METTL8: variants seen among roughly 807,000 people sequenced by gnomAD.
METTL8 encodes the protein tRNA N(3)-cytidine methyltransferase METTL8, mitochondrial.
METTL8 carries 32 observed loss-of-function variants against 48.7 expected under a neutral mutation model. That is an observed-to-expected ratio of 0.66 (90% CI 0.50 to 0.88). The LOEUF (loss-of-function observed/expected upper bound fraction) is 0.88, where lower values mean the gene tolerates loss of function less well. METTL8 is among the 40% of genes least tolerant of loss of function. METTL8 has a pLI of 0.00. For synonymous variants in METTL8, 136 were observed against 157.1 expected (o/e 0.87, Z 1.01); for missense variants, 464 against 474.4 (o/e 0.98, Z 0.20).
At chr2:171,355,203 T>A (rs1342443342) in intron 3 of METTL8, among the ~76,000 whole-genome samples, 13 of 152,252 alleles carry the variant, frequency 8.5e-5, no homozygotes. Context: ...GACCCTCAGC[T>A]GCAGGTCTGT....
chr2:171,368,983 C>A (rs931086643), intron 2 of METTL8, among the ~76,000 whole-genome samples: 18 of 151,960 alleles, frequency 1.2e-4, no homozygotes, highest in African/African-American at 3.4e-4. Flanking sequence ...TCAAAAAAAA[C>A]CCCACAATTA....
chr2:171,337,524 A>T (rs560026742), intron 4 of METTL8, 22 bp from the exon 5 acceptor site: 3 of 1,585,760 alleles, frequency 1.9e-6, no homozygotes, highest in Middle Eastern at 1.7e-4. Flanking sequence ...AGAACAAGCA[A>T]ATATCAAAAA....
intron 2 of METTL8, chr2:171,375,277 A>G (rs1194613755): frequency 6.7e-6 from 6 of 896,314 alleles, no homozygotes; most frequent in Non-Finnish European, 1.1e-5. Flanking sequence ...TTTCTTTGTC[A>G]TCTTGGAGGC....
intron 1 of METTL8, among the ~76,000 whole-genome samples, chr2:171,395,880 T>C (rs912175976): frequency 3.3e-5 from 5 of 152,210 alleles, no homozygotes; most frequent in Admixed American, 2.6e-4. Context: ...AAGAACATCA[T>C]ACAGCAATAG....
chr2:171,354,703 T>C (rs1684332400), intron 3 of METTL8, among the ~76,000 whole-genome samples: 3 of 152,224 alleles, frequency 2.0e-5, no homozygotes, highest in Non-Finnish European at 4.4e-5. Flanking sequence ...CTTCATTTCA[T>C]TCATTTGATC....
At chr2:171,360,841 T>G (rs1227447408) in intron 2 of METTL8, among the ~76,000 whole-genome samples, 1 of 152,248 alleles carries the variant, frequency 6.6e-6, no homozygotes, top group African/African-American at 2.4e-5. Context: ...AGGCTAAATT[T>G]ATTTGCCTTT....
At chr2:171,389,419 C>G (rs1688373432) in intron 2 of METTL8, among the ~76,000 whole-genome samples, 1 of 145,354 alleles carries the variant, frequency 6.9e-6, no homozygotes, top group South Asian at 2.2e-4. Context: ...ACTTGGGAGG[C>G]TGAGGCCAGA....
chr2:171,354,837 G>A (rs1339200131), intron 3 of METTL8, among the ~76,000 whole-genome samples: 1 of 151,186 alleles, frequency 6.6e-6, no homozygotes, highest in Non-Finnish European at 1.5e-5. Context: ...TCTCTACGCT[G>A]TTTATTCTAG....
At chr2:171,365,199 AAAT>A (rs1181082736) in intron 2 of METTL8, among the ~76,000 whole-genome samples, 1 of 152,146 alleles carries the variant, frequency 6.6e-6, no homozygotes, top group African/African-American at 2.4e-5. Flanking sequence ...TTGCTCGGGG[AAAT>A]AATACTCCTT....
chr2:171,355,019 C>T (rs532404494), intron 3 of METTL8, among the ~76,000 whole-genome samples: 21 of 152,212 alleles, frequency 1.4e-4, no homozygotes, highest in Admixed American at 4.6e-4. Context: ...CGAGGAACCG[C>T]GTTCCTTTGG....
intron 2 of METTL8, among the ~76,000 whole-genome samples, chr2:171,373,072 A>G (rs550511265): frequency 7.9e-4 from 121 of 152,338 alleles, no homozygotes; most frequent in African/African-American, 2.6e-3. Flanking sequence ...GTCTTCCACA[A>G]TGGTTGAACC....
chr2:171,394,433 C>T (rs1559167266), intron 1 of METTL8, among the ~76,000 whole-genome samples: 1 of 151,328 alleles, frequency 6.6e-6, no homozygotes, highest in Non-Finnish European at 1.5e-5. Flanking sequence ...TATAAATGAC[C>T]AAGAGCCTCT....
chr2:171,429,008 A>T (rs1692697791), intron 1 of METTL8, among the ~76,000 whole-genome samples: 1 of 152,090 alleles, frequency 6.6e-6, no homozygotes, highest in South Asian at 2.1e-4. Flanking sequence ...AGAGATTCAG[A>T]TTTTGTACTA....
At chr2:171,419,819 C>T (rs1044968569) in intron 1 of METTL8, among the ~76,000 whole-genome samples, 16 of 151,938 alleles carry the variant, frequency 1.1e-4, no homozygotes, top group Non-Finnish European at 2.2e-4. Flanking sequence ...GTGTCATGTA[C>T]CCACCATTAT....
intron 1 of METTL8, among the ~76,000 whole-genome samples, chr2:171,411,928 A>T (rs1297615711): frequency 6.6e-6 from 1 of 152,240 alleles, no homozygotes; most frequent in Non-Finnish European, 1.5e-5. Flanking sequence ...AGAAAATAAT[A>T]AGTAGAAATG....
intron 1 of METTL8, among the ~76,000 whole-genome samples, chr2:171,428,918 G>A (rs1006754741): frequency 5.9e-5 from 9 of 152,084 alleles, no homozygotes; most frequent in African/African-American, 1.9e-4. Context: ...CATGAGGGAT[G>A]GCCAAAGAGA....
At chr2:171,373,655 G>T (rs995193518) in intron 2 of METTL8, among the ~76,000 whole-genome samples, 1 of 152,134 alleles carries the variant, frequency 6.6e-6, no homozygotes, top group Admixed American at 6.5e-5. Context: ...ATTATTTTTT[G>T]TATAAGGTCT....
intron 2 of METTL8, among the ~76,000 whole-genome samples, chr2:171,361,479 G>A (rs994008203): frequency 1.3e-5 from 2 of 152,274 alleles, no homozygotes; most frequent in African/African-American, 4.8e-5. Context: ...GCATCATGCT[G>A]TGACCGACAA....
At chr2:171,408,715 AG>A (rs1690442980) in intron 1 of METTL8, among the ~76,000 whole-genome samples, 1 of 152,200 alleles carries the variant, frequency 6.6e-6, no homozygotes. Flanking sequence ...AGGTTGGTTC[AG>A]GATCTGCCAC....
Sources: allele counts gnomAD v4.1 joint callset (sites outside exome capture counted in the v4.1 genomes callset), GRCh38; gene constraint gnomAD v4.1.1; transcripts MANE v1.5; gene names NCBI Gene and HGNC (gene_info 2026-07-23, HGNC 2026-07-21).